The following CCDC138 variants were observed in gnomAD, a reference collection of about 807,000 sequenced individuals.
CCDC138 encodes coiled-coil domain-containing protein 138.
In CCDC138, 66 loss-of-function variants were observed where a neutral mutation model predicts 82.3. The observed-to-expected ratio is 0.80, with a 90% CI of 0.66 to 0.98. The LOEUF (loss-of-function observed/expected upper bound fraction) is 0.98, where lower values mean the gene tolerates loss of function less well. CCDC138 is among the 50% of genes least tolerant of loss of function. The probability of loss-of-function intolerance (pLI) is 0.00; values close to 1 mark genes in which losing one functional copy is unlikely to be tolerated. For missense variants in CCDC138, 816 were observed against 758.9 expected, an observed-to-expected ratio of 1.08 and a Z score of -0.88; for synonymous variants, 297 against 265.4, an observed-to-expected ratio of 1.12 and a Z score of -1.16.
intron 3 of CCDC138, among the ~76,000 whole-genome samples, chr2:108,791,305 A>G (rs2149423659): frequency 6.6e-6 from 1 of 152,266 alleles, no homozygotes; most frequent in Admixed American, 6.5e-5. Flanking sequence ...TATGTCACCC[A>G]TCAGTTATTT....
intron 10 of CCDC138, 151 bp from the exon 11 acceptor site, chr2:108,839,034 T>G: frequency 1.4e-6 from 1 of 740,130 alleles, no homozygotes. Context: ...CCAAATTGTA[T>G]TGCATATAGT....
At chr2:108,792,482 A>G (rs1480875714) in intron 4 of CCDC138, among the ~76,000 whole-genome samples, 3 of 152,234 alleles carry the variant, frequency 2.0e-5, no homozygotes, top group Admixed American at 6.5e-5. Context: ...GGCAAAAGCC[A>G]CAATGACTTT....
intron 7 of CCDC138, among the ~76,000 whole-genome samples, chr2:108,810,772 AG>A (rs1395202146): frequency 6.6e-6 from 1 of 152,226 alleles, no homozygotes; most frequent in Middle Eastern, 3.2e-3. Flanking sequence ...GAAGTCATTG[AG>A]TGAATTTAAA....
chr2:108,876,440 C>A lies in CCDC138; in HGVS notation c.*187C>A. The A allele has an allele frequency of 2.4e-6, 1 of 415,438 alleles. No individual in the cohort carries two copies. The highest frequency in any genetic ancestry group is 4.2e-6 in the Non-Finnish European group (1 of 235,518). The allele number at this position is 415,438 out of a possible 1,614,324, so 25.7% of individuals were successfully genotyped here. On this transcript the variant is annotated 3_prime_UTR_variant, in exon 15 of 15. Coordinates refer to ENST00000295124, the MANE Select transcript of CCDC138 (RefSeq NM_144978.3). ...TTGGAACTTTTGGAATGTTTCAGTT[C>A]AGGTAAGGTAATACTAATATACAAG... is the stretch of plus-strand genomic sequence containing the variant.
At chr2:108,808,310 G>T (rs372172313) in intron 7 of CCDC138, among the ~76,000 whole-genome samples, 12 of 152,294 alleles carry the variant, frequency 7.9e-5, no homozygotes, top group African/African-American at 2.4e-4. Flanking sequence ...AAATACTGCT[G>T]CAGTAAACAT....
intron 14 of CCDC138, 119 bp from the exon 15 acceptor site, chr2:108,875,969 C>T: frequency 1.0e-5 from 6 of 597,132 alleles, no homozygotes; most frequent in Non-Finnish European, 1.7e-5. Flanking sequence ...CTATTTTCTC[C>T]ACTGTTTTTA....
intron 6 of CCDC138, among the ~76,000 whole-genome samples, chr2:108,798,888 A>G (rs1318320901): frequency 6.6e-6 from 1 of 151,728 alleles, no homozygotes; most frequent in Non-Finnish European, 1.5e-5. Flanking sequence ...GTTTGTAAAA[A>G]TCATGATTCT....
At chr2:108,826,058 GGTAA>G (rs1686535088) in intron 10 of CCDC138, among the ~76,000 whole-genome samples, 1 of 152,094 alleles carries the variant, frequency 6.6e-6, no homozygotes, top group South Asian at 2.1e-4. Flanking sequence ...ATCTTTTATT[GGTAA>G]GTGTCTACTT....
intron 13 of CCDC138, 38 bp downstream of exon 13, chr2:108,857,008 A>G (rs763076299): frequency 3.3e-5 from 34 of 1,037,052 alleles, no homozygotes; most frequent in Admixed American, 8.1e-5. Context: ...AGAAAGCAGG[A>G]TGATTTTTCT....
chr2:108,841,438 T>A (rs1238633888), intron 11 of CCDC138, among the ~76,000 whole-genome samples: 1 of 152,194 alleles, frequency 6.6e-6, no homozygotes, highest in Non-Finnish European at 1.5e-5. Flanking sequence ...TGTAACTGTG[T>A]TCTTGTAAAT....
intron 10 of CCDC138, among the ~76,000 whole-genome samples, chr2:108,823,468 T>G (rs866343034): frequency 6.6e-6 from 1 of 152,222 alleles, no homozygotes; most frequent in African/African-American, 2.4e-5. Flanking sequence ...TATTGTTAGG[T>G]GACTTTTTGT....
chr2:108,833,726 CTTTT>C (rs35850089), intron 10 of CCDC138, among the ~76,000 whole-genome samples: 5 of 91,032 alleles, frequency 5.5e-5, no homozygotes, highest in Admixed American at 1.2e-4. Context: ...GTGGAGTAAA[CTTTT>C]TTTTTTTTTT....
Position 108,812,828 on chromosome 2 carries a change from C to T in CCDC138, c.942C>T (p.Tyr314=), listed in dbSNP as rs535876793. 29 of 1,612,142 alleles carry T rather than the reference C, an allele frequency of 1.8e-5. 1 individual carries two copies. The highest frequency in any genetic ancestry group is 1.5e-4 in the African/African-American group (11 of 74,702). The change falls in exon 9 of 15, where the codon TAC becomes TAT. Residue 314 remains tyrosine (Y), a synonymous_variant. Transcript: ENST00000295124. The part of the protein sequence containing the change: ...QARLDNLQRK[Y]EFMTIQRLKG... Reference sequence around the variant, plus strand: ...CATATATACTGTTGCAGAGGAAGTACGAGTTTATGACAATACAGAGATTGA... The same window carrying T: ...CATATATACTGTTGCAGAGGAAGTATGAGTTTATGACAATACAGAGATTGA...
At chr2:108,880,364 A>T (rs1466969763), downstream of CCDC138, among the ~76,000 whole-genome samples, 1 of 152,224 alleles carries the variant, frequency 6.6e-6, no homozygotes, top group African/African-American at 2.4e-5. Flanking sequence ...TATAGATACA[A>T]TGGAAATCCT....
chr2:108,796,487 C>T (rs891644765), intron 5 of CCDC138, among the ~76,000 whole-genome samples: 5 of 152,118 alleles, frequency 3.3e-5, no homozygotes, highest in Admixed American at 1.3e-4. Context: ...TGGGTATATC[C>T]CCGAAAAAAG....
chr2:108,853,720 C>T (rs546909887), intron 12 of CCDC138, among the ~76,000 whole-genome samples: 1 of 147,786 alleles, frequency 6.8e-6, no homozygotes, highest in African/African-American at 2.5e-5. Context: ...GAGATGAGCT[C>T]TTGCCATGTT....
At chr2:108,793,978 A>G (rs1306791895) in intron 4 of CCDC138, among the ~76,000 whole-genome samples, 1 of 152,154 alleles carries the variant, frequency 6.6e-6, no homozygotes, top group Non-Finnish European at 1.5e-5. Flanking sequence ...AAATCAGCTC[A>G]AATTTCCACC....
chr2:108,791,885 C>G, intron 4 of CCDC138, 83 bp downstream of exon 4: 1 of 1,337,212 alleles, frequency 7.5e-7, no homozygotes. Flanking sequence ...AGTAATAACA[C>G]TGGCCCCCAA....
At position 108,866,844 on chromosome 2, in the gene CCDC138, C is replaced by T. The variant is rs4567891; in HGVS notation, c.1694-6607C>T. On this transcript the variant is annotated intron_variant, in intron 13 of 14. Transcript: ENST00000295124. Reference sequence around the variant, plus strand: ...TTTGCAGTGAGCCGAGATCACGCCACGGCACTCCAGCCTGGGCGACAGAGT... The same window carrying T: ...TTTGCAGTGAGCCGAGATCACGCCATGGCACTCCAGCCTGGGCGACAGAGT... Among the ~76,000 whole-genome samples, 990 of 151,208 alleles carry T rather than the reference C, an allele frequency of 6.5e-3. 10 individuals carry two copies. The highest frequency in any genetic ancestry group is 0.023 in the African/African-American group (939 of 41,074).
Sources: allele counts gnomAD v4.1 joint callset (sites outside exome capture counted in the v4.1 genomes callset), GRCh38; gene constraint gnomAD v4.1.1; transcripts MANE v1.5; gene names NCBI Gene and HGNC (gene_info 2026-07-23, HGNC 2026-07-21).